Variants in RIMS4 observed in about 807,000 individuals in gnomAD.
RIMS4 encodes regulating synaptic membrane exocytosis 4.
A neutral mutation model predicts 29.0 loss-of-function variants in RIMS4; 9 were observed. That is an observed-to-expected ratio of 0.31 (90% CI 0.19 to 0.54). RIMS4 has a LOEUF of 0.54. RIMS4 is among the 20% of genes least tolerant of loss of function. The pLI, the probability that RIMS4 is intolerant of heterozygous loss-of-function variation, is 0.94. For synonymous variants in RIMS4, 130 were observed against 152.9 expected (o/e 0.85, Z 1.10); for missense variants, 193 against 365.7 (o/e 0.53, Z 3.85).
At chr20:44,810,064 G>A (rs2066316896) in intron 1 of RIMS4, 111 bp downstream of exon 1, 2 of 464,168 alleles carry the variant, frequency 4.3e-6, no homozygotes, top group Non-Finnish European at 8.1e-6. Context: ...CCCTGGGGGC[G>A]CCTTCCCAGG....
chr20:44,796,318 G>C (rs2066255023), intron 1 of RIMS4, among the ~76,000 whole-genome samples: 1 of 152,172 alleles, frequency 6.6e-6, no homozygotes, highest in African/African-American at 2.4e-5. Context: ...CCAGGAACCA[G>C]AATGTAATTC....
Position 44,810,372 on chromosome 20 carries a change from G to T in RIMS4, c.-101C>A. ...ATTCTTGACGCGGAGTACGGCGCGC[G>T]GCGTGGTGGCGGCGGCCCGGGGCCG... On this transcript the variant is annotated 5_prime_UTR_variant, in exon 1 of 6. Coordinates refer to ENST00000372851, the MANE Select transcript of RIMS4 (RefSeq NM_182970.4). 4.8e-6 allele frequency: 1 copy of T among 206,612 alleles called. No homozygotes were observed. Among genetic ancestry groups the T allele is most frequent in the Non-Finnish European group, 8.3e-6 (1 of 120,340 alleles). The allele number at this position is 206,612 out of a possible 1,614,324, so 12.8% of individuals were successfully genotyped here. A position where few individuals can be genotyped will look rare whatever the true frequency, so the allele number is the denominator to read the frequency against.
At chr20:44,784,273 TG>T (rs555342955) in intron 1 of RIMS4, among the ~76,000 whole-genome samples, 82 of 152,246 alleles carry the variant, frequency 5.4e-4, no homozygotes, top group African/African-American at 1.9e-3. Context: ...ATGTAGGGGA[TG>T]GGGTGGGGTT....
intron 1 of RIMS4, among the ~76,000 whole-genome samples, chr20:44,773,332 T>C (rs191432549): frequency 6.6e-6 from 1 of 152,266 alleles, no homozygotes; most frequent in East Asian, 1.9e-4. Flanking sequence ...CTATCTCCAC[T>C]GTTTCTGTTA....
At chr20:44,763,277 G>C (rs778168318) in intron 2 of RIMS4, among the ~76,000 whole-genome samples, 2 of 152,224 alleles carry the variant, frequency 1.3e-5, no homozygotes, top group Non-Finnish European at 2.9e-5. Context: ...TCCTCATGTA[G>C]AAAATGGGAA....
chr20:44,756,676 G>A lies in RIMS4; in HGVS notation c.591+222C>T, dbSNP rs980665136. On this transcript the variant is annotated intron_variant, in intron 5 of 5. Transcript: ENST00000372851. This position sits in a 1 kb window ranked among gnomAD's most constrained non-coding sequence, Gnocchi z 5.9. ...TCAGGTAGGTACTATTAGGGTCCCCGCTTTACAGATGAAGGAACTGAGGGT... is the reference window on the plus strand; with the variant it reads ...TCAGGTAGGTACTATTAGGGTCCCCACTTTACAGATGAAGGAACTGAGGGT... Among the ~76,000 whole-genome samples the A allele has an allele frequency of 1.3e-5, 2 of 152,050 alleles. No individual in the cohort carries two copies. The highest frequency in any genetic ancestry group is 2.9e-5 in the Non-Finnish European group (2 of 67,998).
rs762581746 is a variant in RIMS4 at position 44,757,743 on chromosome 20, C to A, written c.378G>T (p.Arg126=). 7 of 1,613,978 alleles carry A rather than the reference C, an allele frequency of 4.3e-6. No homozygotes were observed. The highest frequency in any genetic ancestry group is 5.9e-6 in the Non-Finnish European group (7 of 1,180,022). ...TAATGTCCACCTCCAACTGACCGTT[C>A]CGCTCCTGCAGACCGATCTCCACAT... is the stretch of plus-strand genomic sequence containing the variant. ...MGDVEIGLQE[R]NGQLEVDIIQ... is the part of the protein sequence containing the mutation. Residue 126 remains arginine, a synonymous_variant, in exon 4 of 6, where the codon CGG becomes CGT. Coordinates refer to ENST00000372851, the MANE Select transcript of RIMS4 (RefSeq NM_182970.4).
At chr20:44,806,450 C>T (rs1413839651) in intron 1 of RIMS4, among the ~76,000 whole-genome samples, 2 of 152,126 alleles carry the variant, frequency 1.3e-5, no homozygotes, top group Non-Finnish European at 2.9e-5. Flanking sequence ...GACTGGCAGG[C>T]GAGTCTCCCA....
At position 44,810,516 on chromosome 20, in the gene RIMS4, T is replaced by C. The variant is rs868482057; in HGVS notation, c.-245A>G. Among the ~76,000 whole-genome samples the C allele has an allele frequency of 0.12, 16,479 of 137,080 alleles. 1,234 individuals are homozygous for C. Among genetic ancestry groups the C allele is most frequent in the Admixed American group, 0.23 (3,247 of 13,980 alleles). 89.9% of individuals were successfully genotyped at this position (137,080 alleles called of 152,430 possible). ...CTGGCGGCGGCGGCGGCGGCGGCGG[T>C]GGCGGCGGCGGTGGCGGCGCAGCGC... On this transcript the variant is annotated 5_prime_UTR_variant, in exon 1 of 6. Coordinates refer to ENST00000372851, the MANE Select transcript of RIMS4 (RefSeq NM_182970.4).
intron 1 of RIMS4, among the ~76,000 whole-genome samples, chr20:44,781,701 C>A (rs185914584): frequency 1.3e-5 from 2 of 152,158 alleles, no homozygotes; most frequent in Non-Finnish European, 2.9e-5. Context: ...AAAGAAGAGG[C>A]ATTTCCACAA....
At chr20:44,796,706 C>T (rs542230199) in intron 1 of RIMS4, among the ~76,000 whole-genome samples, 79 of 152,320 alleles carry the variant, frequency 5.2e-4, no homozygotes, top group Non-Finnish European at 8.4e-4. Context: ...AAGGAGACAT[C>T]AGGCACCCCA....
chr20:44,780,335 C>T (rs1398482543), intron 1 of RIMS4, among the ~76,000 whole-genome samples: 1 of 152,190 alleles, frequency 6.6e-6, no homozygotes, highest in Non-Finnish European at 1.5e-5. Context: ...AAAGAACTGG[C>T]GTGTGCAGGA....
intron 1 of RIMS4, among the ~76,000 whole-genome samples, chr20:44,806,233 C>T (rs1649199091): frequency 6.6e-6 from 1 of 152,228 alleles, no homozygotes; most frequent in South Asian, 2.1e-4. Flanking sequence ...ACGCTGAAAC[C>T]ACTTGGTCAG....
At chr20:44,788,704 G>A (rs1160806261) in intron 1 of RIMS4, among the ~76,000 whole-genome samples, 1 of 152,138 alleles carries the variant, frequency 6.6e-6, no homozygotes, top group Non-Finnish European at 1.5e-5. Context: ...CAAGGCTGCA[G>A]TGAGCTATGA....
In RIMS4 at chr20:44,753,591, T is replaced by A. The variant is rs1299002258; in HGVS notation, c.*2543A>T. On this transcript the variant is annotated 3_prime_UTR_variant, in exon 6 of 6. Transcript: ENST00000372851. ...TCCTCTTCAAACAGTGCAGCCTGAG[T>A]CAGCAAGGGGCCAGGCAGTAGCGGG... 6.6e-6 allele frequency: 1 copy of A among 152,206 alleles called. No homozygotes were observed. The highest frequency in any genetic ancestry group is 1.5e-5 in the Non-Finnish European group (1 of 68,154). 9.4% of individuals were successfully genotyped at this position (152,206 alleles called of 1,614,324 possible).
Position 44,785,840 on chromosome 20 carries a change from A to G in RIMS4, c.98-14427T>C, listed in dbSNP as rs147049616. 4.9e-3 allele frequency among the ~76,000 whole-genome samples: 741 copies of G among 151,956 alleles called. 7 individuals are homozygous for G. Among genetic ancestry groups the G allele is most frequent in the Admixed American group, 7.5e-3 (115 of 15,264 alleles). On this transcript the variant is annotated intron_variant, in intron 1 of 5. Transcript: ENST00000372851. ...TTAGACTGTGCCTGGACTTGGCAGAAAAGGATGCCATGATTGATTGGTGAT... is the reference window on the plus strand; with the variant it reads ...TTAGACTGTGCCTGGACTTGGCAGAGAAGGATGCCATGATTGATTGGTGAT...
intron 2 of RIMS4, among the ~76,000 whole-genome samples, chr20:44,766,441 G>A (rs1391480728): frequency 6.6e-6 from 1 of 152,148 alleles, no homozygotes; most frequent in Non-Finnish European, 1.5e-5. Context: ...GTTCAGGGTG[G>A]TGGAGTCCCC....
chr20:44,770,660 C>A (rs952897923), intron 2 of RIMS4, among the ~76,000 whole-genome samples: 6 of 152,100 alleles, frequency 3.9e-5, no homozygotes, highest in Non-Finnish European at 2.9e-5. Context: ...AACGTGTTCC[C>A]GTGATTCTGA....
chr20:44,790,892 AATTT>A (rs2145470940), intron 1 of RIMS4, among the ~76,000 whole-genome samples: 1 of 152,308 alleles, frequency 6.6e-6, no homozygotes, highest in East Asian at 1.9e-4. Context: ...TCAGTTTTCA[AATTT>A]ATTTATTTAT....
Sources: gnomAD v4.1 joint callset for allele counts (sites outside exome capture counted in the v4.1 genomes callset) on GRCh38, gnomAD v4.1.1 for gene constraint, Gnocchi (gnomAD v3.1) non-coding constraint, MANE v1.5 for transcripts, NCBI Gene and HGNC (gene_info 2026-07-23, HGNC 2026-07-21) for gene names.